The following ABCA1 variants were observed in gnomAD, a reference collection of about 807,000 sequenced individuals.
ABCA1 encodes phospholipid-transporting ATPase ABCA1.
In ABCA1, 133 loss-of-function variants were observed where a neutral mutation model predicts 262.5. The observed-to-expected ratio is 0.51, with a 90% CI of 0.44 to 0.59. The LOEUF (loss-of-function observed/expected upper bound fraction) is 0.59, where lower values mean the gene tolerates loss of function less well. Among genes scored for constraint, ABCA1 ranks in the 20% least tolerant of loss-of-function variants. The probability of loss-of-function intolerance (pLI) is 0.00; values close to 1 mark genes in which losing one functional copy is unlikely to be tolerated. For missense variants in ABCA1, 2,452 were observed against 2,777.5 expected (o/e 0.88, Z 2.63); for synonymous variants, 1,022 against 1,043.5 (o/e 0.98, Z 0.40).
chr9:104,853,045 TCTTCG>T, intron 7 of ABCA1, among the ~76,000 whole-genome samples: 1 of 152,294 alleles, frequency 6.6e-6, no homozygotes, highest in South Asian at 2.1e-4. Context: ...TCCATCTGCT[TCTTCG>T]ATCTGTACAC....
intron 9 of ABCA1, among the ~76,000 whole-genome samples, chr9:104,838,451 T>C (rs997581156): frequency 2.7e-5 from 3 of 112,526 alleles, no homozygotes; most frequent in Admixed American, 1.8e-4. Flanking sequence ...CTACTCAAAA[T>C]ACAAAAAAAA....
At chr9:104,836,570 G>A (rs1189048923) in intron 11 of ABCA1, among the ~76,000 whole-genome samples, 1 of 152,154 alleles carries the variant, frequency 6.6e-6, no homozygotes, top group Non-Finnish European at 1.5e-5. Flanking sequence ...CTGAGAATGA[G>A]TATCTCAGGC....
intron 36 of ABCA1, among the ~76,000 whole-genome samples, chr9:104,799,199 C>T (rs2118887107): frequency 6.6e-6 from 1 of 152,186 alleles, no homozygotes; most frequent in Non-Finnish European, 1.5e-5. Flanking sequence ...ACAGGAACTG[C>T]CATGCTCCAC....
rs771173591 is a variant in ABCA1, at chr9:104,831,028, G to A, written c.1789C>T (p.Gln597Ter). 1 of 1,613,616 alleles carries A rather than the reference G, an allele frequency of 6.2e-7. No individual in the cohort carries two copies. The highest frequency in any genetic ancestry group is 1.1e-5 in the South Asian group (1 of 91,050). Residue 597 changes from glutamine (Q) to a stop codon, truncating the protein, a stop_gained, in exon 14 of 50, where the codon CAG (glutamine) becomes TAG (stop). Transcript: ENST00000374736. LOFTEE classifies it high-confidence loss of function. ...RYVWGGFAYLQDVVEQAIIRV... is the reference protein window; with the variant it reads ...RYVWGGFAYL ...ATGATTGCCTGCTCCACCACATCCT[G>A]CAAGTAGGCGAAGCCCCCCCAGACG...
chr9:104,903,906 A>C (rs1288864478), intron 1 of ABCA1, 135 bp from the exon 2 acceptor site: 2 of 599,214 alleles, frequency 3.3e-6, no homozygotes, highest in African/African-American at 3.7e-5. Flanking sequence ...TTCTCAATGG[A>C]TCATGAGTCA....
At chr9:104,900,854 T>C (rs1840610336) in intron 2 of ABCA1, among the ~76,000 whole-genome samples, 1 of 152,216 alleles carries the variant, frequency 6.6e-6, no homozygotes, top group Admixed American at 6.5e-5. Flanking sequence ...CAAAATATAC[T>C]TCCTTTAGAA....
At chr9:104,894,430 G>C (rs764000379) in intron 2 of ABCA1, among the ~76,000 whole-genome samples, 5 of 151,868 alleles carry the variant, frequency 3.3e-5, no homozygotes, top group African/African-American at 1.2e-4. Context: ...CAGGAAAAGA[G>C]GTTAAAAAAA....
intron 5 of ABCA1, among the ~76,000 whole-genome samples, chr9:104,880,702 G>A (rs1400961295): frequency 1.3e-5 from 2 of 152,102 alleles, no homozygotes; most frequent in Non-Finnish European, 2.9e-5. Flanking sequence ...AGGCAGAAAA[G>A]GGGACATACT....
rs904804473 is a variant in ABCA1, at chr9:104,844,574, T to C, written c.813+903A>G. On this transcript the variant is annotated intron_variant, in intron 8 of 49. Coordinates refer to ENST00000374736, the MANE Select transcript of ABCA1 (RefSeq NM_005502.4). ...TGTTAGAAAACATAAAGTTCGTTTT[T>C]GATATTTGAAAAAATGATGCAAGCA... is the stretch of plus-strand genomic sequence containing the variant. Among the ~76,000 whole-genome samples, 9 of 152,268 alleles carry C rather than the reference T, an allele frequency of 5.9e-5. No homozygotes were observed. In the East Asian group the frequency reaches 1.5e-3, roughly 26 times the overall value.
chr9:104,884,629 G>A, intron 3 of ABCA1, 61 bp from the exon 4 acceptor site: 1 of 1,595,378 alleles, frequency 6.3e-7, no homozygotes, highest in Non-Finnish European at 8.6e-7. Context: ...AAGCGATTTT[G>A]AGGCTCCATT....
At chr9:104,844,754 C>G (rs189455531) in intron 8 of ABCA1, among the ~76,000 whole-genome samples, 73 of 152,318 alleles carry the variant, frequency 4.8e-4, no homozygotes, top group Non-Finnish European at 4.6e-4. Context: ...TTTGTGAGCA[C>G]TGCCCCCTGG....
Position 104,829,020 on chromosome 9 carries a change from T to A in ABCA1, c.2011A>T (p.Met671Leu), listed in dbSNP as rs772111367. ...YEKEARLKET[M>L]RIMGLDNSIL... is the part of the protein sequence containing the mutation. ...CTGTTGTCCAGGCCCATGATCCGCA[T>A]GGTCTCTTTCAGCCGTGCCTCCTTC... Residue 671 changes from methionine (M) to leucine (L), a missense_variant, in exon 15 of 50, where the codon ATG becomes TTG. Around this residue, in one of 4 missense-constraint regions of ABCA1, gnomAD observed 1,032 missense variants for 1,089.7 expected, o/e 0.95. Transcript: ENST00000374736. 1 of 1,614,202 alleles carries A rather than the reference T, an allele frequency of 6.2e-7. No homozygotes were observed. Among genetic ancestry groups the A allele is most frequent in the Admixed American group, 1.7e-5 (1 of 60,022 alleles).
chr9:104,796,881 G>A (rs139143173), intron 37 of ABCA1, among the ~76,000 whole-genome samples: 14 of 152,304 alleles, frequency 9.2e-5, no homozygotes, highest in Admixed American at 3.3e-4. Flanking sequence ...TCATCGCACT[G>A]AGAATAATTT....
rs562567078 is a variant in ABCA1 at position 104,785,971 on chromosome 9, G to A, written c.6401+327C>T. On this transcript the variant is annotated intron_variant, in intron 48 of 49. Coordinates refer to ENST00000374736, the MANE Select transcript of ABCA1 (RefSeq NM_005502.4). Reference sequence around the variant, plus strand: ...GTAGGGCCAGGATGCAAACCCATTTGTGTTTGACTCCAAAGCTTGCGCTCT... The same window carrying A: ...GTAGGGCCAGGATGCAAACCCATTTATGTTTGACTCCAAAGCTTGCGCTCT... Among the ~76,000 whole-genome samples, 12 of 152,310 alleles carry A rather than the reference G, an allele frequency of 7.9e-5. No homozygotes were observed. The East Asian group carries it at 2.3e-3, about 29-fold the overall frequency.
chr9:104,903,805 A>C, intron 1 of ABCA1, 34 bp from the exon 2 acceptor site: 1 of 893,252 alleles, frequency 1.1e-6, no homozygotes, highest in Non-Finnish European at 1.8e-6. Context: ...AACAGCCATC[A>C]GTTATTGCTG....
At chr9:104,856,881 C>T (rs1294795852) in intron 7 of ABCA1, among the ~76,000 whole-genome samples, 1 of 152,170 alleles carries the variant, frequency 6.6e-6, no homozygotes, top group Non-Finnish European at 1.5e-5. Flanking sequence ...TAACCTTTCA[C>T]CCTCTATGAT....
intron 2 of ABCA1, among the ~76,000 whole-genome samples, chr9:104,897,579 C>T (rs1025968144): frequency 2.6e-5 from 4 of 152,084 alleles, no homozygotes; most frequent in Non-Finnish European, 5.9e-5. Flanking sequence ...AGATTTGGAG[C>T]CAAAAGATCC....
At chr9:104,893,083 G>A (rs1162695601) in intron 2 of ABCA1, among the ~76,000 whole-genome samples, 1 of 152,088 alleles carries the variant, frequency 6.6e-6, no homozygotes, top group Non-Finnish European at 1.5e-5. Context: ...ACAAAGACAG[G>A]AATACAACTT....
intron 5 of ABCA1, among the ~76,000 whole-genome samples, chr9:104,874,236 T>C (rs1369566420): frequency 6.6e-6 from 1 of 152,162 alleles, no homozygotes; most frequent in Non-Finnish European, 1.5e-5. Flanking sequence ...GTCAGAGCCA[T>C]ATCAGAAAGG....
Sources: allele counts gnomAD v4.1 joint callset (sites outside exome capture counted in the v4.1 genomes callset), GRCh38; gene constraint gnomAD v4.1.1; regional missense constraint gnomAD v4.1.1; transcripts MANE v1.5; gene names NCBI Gene and HGNC (gene_info 2026-07-23, HGNC 2026-07-21).